LOXHD1: variants seen among roughly 807,000 people sequenced by gnomAD.
The protein encoded by LOXHD1 is lipoxygenase homology domain-containing protein 1.
A neutral mutation model predicts 248.2 loss-of-function variants in LOXHD1; 205 were observed. The ratio of observed to expected loss-of-function variants is 0.83; its 90% confidence interval spans 0.74 to 0.93. LOXHD1 has a LOEUF of 0.93. Among genes scored for constraint, LOXHD1 ranks in the 40% least tolerant of loss-of-function variants. LOXHD1 has a pLI of 0.00. For missense variants in LOXHD1, 2,930 were observed against 2,971.6 expected (o/e 0.99, Z 0.33); for synonymous variants, 1,113 against 1,162.8 (o/e 0.96, Z 0.87).
At chr18:46,550,200 C>T (rs2143866778) in intron 21 of LOXHD1, among the ~76,000 whole-genome samples, 1 of 152,318 alleles carries the variant, frequency 6.6e-6, no homozygotes, top group South Asian at 2.1e-4. Context: ...AGGCTCATAG[C>T]TTTGGATGCT....
chr18:46,625,209 T>G (rs1449555568), intron 4 of LOXHD1, among the ~76,000 whole-genome samples: 1 of 152,182 alleles, frequency 6.6e-6, no homozygotes, highest in Non-Finnish European at 1.5e-5. Context: ...AGTTCCCACC[T>G]GCCAAACCCA....
chr18:46,540,262 G>A (rs149600372), intron 25 of LOXHD1, among the ~76,000 whole-genome samples: 34 of 152,298 alleles, frequency 2.2e-4, no homozygotes, highest in African/African-American at 7.7e-4. Context: ...TCTTGTTGCT[G>A]TGAACTAGAG....
At chr18:46,576,642 C>G (rs1309326136) in intron 14 of LOXHD1, among the ~76,000 whole-genome samples, 1 of 152,190 alleles carries the variant, frequency 6.6e-6, no homozygotes, top group Non-Finnish European at 1.5e-5. Flanking sequence ...CTTACCTTTT[C>G]AATGTAATTC....
chr18:46,640,114 C>T (rs2038944466), intron 3 of LOXHD1, among the ~76,000 whole-genome samples: 1 of 152,182 alleles, frequency 6.6e-6, no homozygotes, highest in Non-Finnish European at 1.5e-5. Context: ...CCTGGCTATT[C>T]AGGTCTGTTT....
At chr18:46,536,777 G>T (rs778049697) in intron 26 of LOXHD1, among the ~76,000 whole-genome samples, 1 of 152,182 alleles carries the variant, frequency 6.6e-6, no homozygotes, top group Non-Finnish European at 1.5e-5. Flanking sequence ...TCCAGAGAAG[G>T]TGGGAAGAGA....
At chr18:46,581,388 G>A (rs1370150508) in intron 12 of LOXHD1, among the ~76,000 whole-genome samples, 1 of 152,192 alleles carries the variant, frequency 6.6e-6, no homozygotes, top group African/African-American at 2.4e-5. Flanking sequence ...GATGGATAGA[G>A]TTGCCAATAA....
In LOXHD1 at chr18:46,533,208, A is replaced by C. The variant is rs1163335817; in HGVS notation, c.4329T>G (p.Asp1443Glu). Residue 1443 changes from aspartate to glutamate, a missense_variant, in exon 28 of 41, where the codon GAT becomes GAG. Physicochemically the swap from Asp to Glu is conservative, Grantham distance 45. Transcript: ENST00000642948. Reference protein sequence around the residue: ...YDIFTEKYMKDGSLRQVYKEV... With the variant: ...YDIFTEKYMKEGSLRQVYKEV... ...CCTTGTAGACTTGCCGTAAGGACCCATCTTTCATGTATTTCTCAGTGAAGA... is the reference window on the plus strand; with the variant it reads ...CCTTGTAGACTTGCCGTAAGGACCCCTCTTTCATGTATTTCTCAGTGAAGA... The C allele has an allele frequency of 6.4e-7, 1 of 1,551,616 alleles. No homozygotes were observed. Among genetic ancestry groups the C allele is most frequent in the African/African-American group, 1.4e-5 (1 of 73,046 alleles).
chr18:46,530,930 T>C (rs1240275372), intron 28 of LOXHD1, among the ~76,000 whole-genome samples: 10 of 152,082 alleles, frequency 6.6e-5, no homozygotes, highest in Non-Finnish European at 1.2e-4. Flanking sequence ...GTTCTCTGAG[T>C]CTTTGCCTCC....
At chr18:46,533,393 C>T in intron 27 of LOXHD1, 69 bp from the exon 28 acceptor site, 2 of 1,511,734 alleles carry the variant, frequency 1.3e-6, no homozygotes, top group Non-Finnish European at 1.8e-6. Flanking sequence ...GATTCATCAG[C>T]TCAATACTCA....
chr18:46,592,461 C>T, intron 11 of LOXHD1, 37 bp downstream of exon 11: 6 of 1,504,884 alleles, frequency 4.0e-6, no homozygotes, highest in Non-Finnish European at 5.4e-6. Flanking sequence ...TGTTCCTTTC[C>T]CAACAACCTC....
intron 28 of LOXHD1, among the ~76,000 whole-genome samples, chr18:46,532,401 G>T (rs2036110954): frequency 6.6e-6 from 1 of 152,228 alleles, no homozygotes; most frequent in Non-Finnish European, 1.5e-5. Context: ...GCGTGTGTGT[G>T]TGTCTGTATG....
intron 4 of LOXHD1, among the ~76,000 whole-genome samples, chr18:46,638,160 T>G (rs2038916334): frequency 6.6e-6 from 1 of 152,178 alleles, no homozygotes; most frequent in South Asian, 2.1e-4. Flanking sequence ...CCCATTCATT[T>G]AAACTATATA....
chr18:46,551,230 G>A (rs571606196), intron 21 of LOXHD1, among the ~76,000 whole-genome samples: 2 of 151,774 alleles, frequency 1.3e-5, no homozygotes, highest in East Asian at 3.9e-4. Context: ...AGCCTCCCAA[G>A]CAGCTGGGTC....
chr18:46,635,719 GT>G (rs1232204071), intron 4 of LOXHD1, among the ~76,000 whole-genome samples: 1 of 152,130 alleles, frequency 6.6e-6, no homozygotes, highest in Non-Finnish European at 1.5e-5. Flanking sequence ...AATGATAACA[GT>G]TTTTTATGAT....
Position 46,507,529 on chromosome 18 carries a change from C to G in LOXHD1, c.5692+9G>C. 1.3e-6 allele frequency: 2 copies of G among 1,551,602 alleles called. No homozygotes were observed. Among genetic ancestry groups the G allele is most frequent in the Non-Finnish European group, 1.7e-6 (2 of 1,146,946 alleles). ...AGGGAGCGGGAGGTGTGAGGGACCC[C>G]CGACCCACCCAGGATGTCGCTGGTC... On this transcript the variant is annotated intron_variant, in intron 36 of 40. Coordinates refer to ENST00000642948, the MANE Select transcript of LOXHD1 (RefSeq NM_001384474.1).
At chr18:46,549,976 T>C (rs1478217795) in intron 21 of LOXHD1, among the ~76,000 whole-genome samples, 1 of 152,232 alleles carries the variant, frequency 6.6e-6, no homozygotes, top group Non-Finnish European at 1.5e-5. Context: ...GCATTAGACT[T>C]TATTGCAGAT....
At chr18:46,655,937 G>A (rs1268344001) in intron 1 of LOXHD1, among the ~76,000 whole-genome samples, 1 of 152,200 alleles carries the variant, frequency 6.6e-6, no homozygotes, top group African/African-American at 2.4e-5. Flanking sequence ...TCAGAACTGG[G>A]CTTTCAGAGT....
intron 20 of LOXHD1, among the ~76,000 whole-genome samples, 160 bp from the exon 21 acceptor site, chr18:46,557,649 G>A (rs1363826842): frequency 6.6e-6 from 1 of 152,210 alleles, no homozygotes; most frequent in Non-Finnish European, 1.5e-5. Context: ...TTAGTAGTCT[G>A]GTGTTTGGTC....
intron 40 of LOXHD1, among the ~76,000 whole-genome samples, chr18:46,481,064 T>C (rs544811702): frequency 6.6e-6 from 1 of 152,030 alleles, no homozygotes; most frequent in African/African-American, 2.4e-5. Flanking sequence ...ACATTTGGAG[T>C]TATTGTGTGT....
Sources: allele counts gnomAD v4.1 joint callset (sites outside exome capture counted in the v4.1 genomes callset), GRCh38; gene constraint gnomAD v4.1.1; transcripts MANE v1.5; gene names NCBI Gene and HGNC (gene_info 2026-07-23, HGNC 2026-07-21).